Variants in EHMT1 observed in about 807,000 individuals in gnomAD.
The protein encoded by EHMT1 is euchromatic histone lysine methyltransferase 1, also known as histone-lysine N-methyltransferase EHMT1.
EHMT1 carries 15 observed loss-of-function variants against 147.2 expected under a neutral mutation model. The observed-to-expected ratio is 0.10, with a 90% CI of 0.07 to 0.16. The LOEUF is 0.16. Among genes scored for constraint, EHMT1 ranks in the 10% least tolerant of loss-of-function variants. EHMT1 has a pLI of 1.00. For synonymous variants in EHMT1, 795 were observed against 709.6 expected, an observed-to-expected ratio of 1.12 and a Z score of -1.91; for missense variants, 1,587 against 1,772.4, an observed-to-expected ratio of 0.90 and a Z score of 1.88.
chr9:137,730,390 G>A (rs1180514551), intron 4 of EHMT1, among the ~76,000 whole-genome samples: 1 of 151,948 alleles, frequency 6.6e-6, no homozygotes, highest in Non-Finnish European at 1.5e-5. Context: ...AGTTTCTGCT[G>A]TAAGGAGGTG....
At chr9:137,798,713 C>T in intron 16 of EHMT1, 100 bp from the exon 17 acceptor site, 1 of 965,648 alleles carries the variant, frequency 1.0e-6, no homozygotes, top group Admixed American at 1.7e-5. Context: ...AGTACCCCAC[C>T]CGCATGGTAG....
At chr9:137,702,014 G>T (rs563904119) in intron 1 of EHMT1, among the ~76,000 whole-genome samples, 1 of 151,798 alleles carries the variant, frequency 6.6e-6, no homozygotes, top group East Asian at 1.9e-4. Flanking sequence ...GGCTCGTCTC[G>T]AACTTCTGAC....
chr9:137,779,853 T>G (rs913996651), intron 14 of EHMT1, 136 bp downstream of exon 14: 4 of 931,022 alleles, frequency 4.3e-6, no homozygotes, highest in Non-Finnish European at 6.7e-6. Flanking sequence ...AGTTCTCTGA[T>G]GAGTGAGAAT....
At chr9:137,663,149 C>A (rs1008091106) in intron 1 of EHMT1, among the ~76,000 whole-genome samples, 2 of 152,166 alleles carry the variant, frequency 1.3e-5, no homozygotes, top group Admixed American at 1.3e-4. Context: ...ATTTTATTAT[C>A]TCTTTCCTGT....
chr9:137,716,900 C>T lies in EHMT1; in HGVS notation c.360C>T (p.Ile120=), dbSNP rs747517245. 19 of 1,613,004 alleles carry T rather than the reference C, an allele frequency of 1.2e-5. No homozygotes were observed. The highest frequency in any genetic ancestry group is 3.3e-5 in the South Asian group (3 of 91,090). The part of the protein sequence containing the change: ...TADDFVQTSV[I]GSNGYILNKP... Reference sequence around the variant, plus strand: ...ACGACTTTGTGCAGACTTCTGTCATCGGCAGCAACGGATACATCTTAAATA... The same window carrying T: ...ACGACTTTGTGCAGACTTCTGTCATTGGCAGCAACGGATACATCTTAAATA... The change falls in exon 3 of 27, where the codon ATC becomes ATT. Residue 120 remains isoleucine (I), a synonymous_variant. Coordinates refer to ENST00000460843, the MANE Select transcript of EHMT1 (RefSeq NM_024757.5).
chr9:137,831,514 G>C (rs1956186733), intron 25 of EHMT1, among the ~76,000 whole-genome samples: 1 of 152,260 alleles, frequency 6.6e-6, no homozygotes, highest in East Asian at 1.9e-4. Flanking sequence ...CATCCACCCA[G>C]TGATGGCTTC....
Position 137,832,658 on chromosome 9 carries a change from GT to G in EHMT1, c.3541-1690del, listed in dbSNP as rs575130527. On this transcript the variant is annotated intron_variant, in intron 25 of 26. Transcript: ENST00000460843. ...TCCAGCCGTCCTTCTCTGGACTGTTGTCTTTATCTGGTTCTGGTCGGGCAGA... is the reference window on the plus strand; with the variant it reads ...TCCAGCCGTCCTTCTCTGGACTGTTGCTTTATCTGGTTCTGGTCGGGCAGA... The G allele has an allele frequency of 4.9e-3, 753 of 153,002 alleles. 6 individuals are homozygous for G. Among genetic ancestry groups the G allele is most frequent in the Non-Finnish European group, 8.8e-3 (602 of 68,564 alleles). 9.5% of individuals were successfully genotyped at this position (153,002 alleles called of 1,614,324 possible). A position where few individuals can be genotyped will look rare whatever the true frequency, so the allele number is the denominator to read the frequency against.
chr9:137,796,476 G>A (rs1404059623), intron 16 of EHMT1, among the ~76,000 whole-genome samples: 3 of 151,942 alleles, frequency 2.0e-5, no homozygotes, highest in Admixed American at 6.6e-5. Flanking sequence ...AGGCTGAGGC[G>A]GGTGGATCAT....
Position 137,834,402 on chromosome 9 carries a change from C to T in EHMT1, c.3594C>T (p.Phe1198=), listed in dbSNP as rs1956453320. 6.2e-7 allele frequency: 1 copy of T among 1,613,322 alleles called. No individual in the cohort carries two copies. The highest frequency in any genetic ancestry group is 1.3e-5 in the African/African-American group (1 of 75,048). Residue 1198 remains phenylalanine, a synonymous_variant, in exon 26 of 27, where the codon TTC becomes TTT. Transcript: ENST00000460843. The part of the protein sequence containing the change: ...DARFYGNVSR[F]INHHCEPNLV... ...GGTTCTACGGGAACGTCAGCCGGTT[C>T]ATCAACCACCACTGCGAGCCCAACC...
intron 6 of EHMT1, chr9:137,747,557 AGATT>A (rs1564683342): frequency 6.6e-6 from 1 of 152,262 alleles, no homozygotes; most frequent in African/African-American, 2.4e-5. Context: ...TACTAGAAAT[AGATT>A]ATTTAAAGAC....
chr9:137,799,058 C>G, intron 17 of EHMT1, 144 bp downstream of exon 17: 1 of 566,816 alleles, frequency 1.8e-6, no homozygotes, highest in Non-Finnish European at 3.1e-6. Context: ...GCGTCCTCTT[C>G]CACACTTAGG....
At position 137,787,543 on chromosome 9, in the gene EHMT1, C is replaced by A. The variant is rs984201644; in HGVS notation, c.2383-3305C>A. ...GGTAGTTAGTAAACACCATGGACTC[C>A]CAGCAAGGCTGCTGCCTGGTGTTTC... On this transcript the variant is annotated intron_variant, in intron 15 of 26. Coordinates refer to ENST00000460843, the MANE Select transcript of EHMT1 (RefSeq NM_024757.5). This position sits in a 1 kb window ranked among gnomAD's most constrained non-coding sequence, Gnocchi z 4.2. 21 of 413,100 alleles carry A rather than the reference C, an allele frequency of 5.1e-5. No homozygotes were observed. The highest frequency in any genetic ancestry group is 7.1e-4 in the Middle Eastern group (1 of 1,414). The allele number at this position is 413,100 out of a possible 1,614,324, so 25.6% of individuals were successfully genotyped here. A position where few individuals can be genotyped will look rare whatever the true frequency, so the allele number is the denominator to read the frequency against.
chr9:137,715,815 C>G, intron 2 of EHMT1: 1 of 985,406 alleles, frequency 1.0e-6, no homozygotes, highest in Non-Finnish European at 1.2e-6. Context: ...GAAGCCTCTT[C>G]TGAAGCCTTG....
chr9:137,830,256 G>A (rs1043238189), intron 25 of EHMT1, among the ~76,000 whole-genome samples: 1 of 152,134 alleles, frequency 6.6e-6, no homozygotes, highest in Non-Finnish European at 1.5e-5. Context: ...TGACACCCAG[G>A]CCTCCCTTAT....
Position 137,774,547 on chromosome 9 carries a change from T to A in EHMT1, c.1648-562T>A, listed in dbSNP as rs554699167. On this transcript the variant is annotated intron_variant, in intron 10 of 26. Coordinates refer to ENST00000460843, the MANE Select transcript of EHMT1 (RefSeq NM_024757.5). ...GTGGATGTGGTCGCGTCTGGCCCCC[T>A]GGATCTGGTGGGTGTGGGCACGCCT... 1.0e-3 allele frequency among the ~76,000 whole-genome samples: 114 copies of A among 114,188 alleles called. 3 individuals are homozygous for A. Among genetic ancestry groups the A allele is most frequent in the African/African-American group, 3.4e-3 (95 of 27,888 alleles). 74.9% of individuals were successfully genotyped at this position (114,188 alleles called of 152,430 possible). A position where few individuals can be genotyped will look rare whatever the true frequency, so the allele number is the denominator to read the frequency against.
In EHMT1 at chr9:137,782,144, G is replaced by T; in HGVS notation, c.2276-147G>T. 1.4e-6 allele frequency: 1 copy of T among 707,488 alleles called. No homozygotes were observed. The highest frequency in any genetic ancestry group is 1.5e-5 in the South Asian group (1 of 66,310). 43.8% of individuals were successfully genotyped at this position (707,488 alleles called of 1,614,324 possible). ...ACTCAAGTCTCAAGTCCAGAGGATG[G>T]TGCTGTGGGCGGGTTCCGGCGTGGC... is the stretch of plus-strand genomic sequence containing the variant. On this transcript the variant is annotated intron_variant, in intron 14 of 26. Transcript: ENST00000460843. The surrounding 1 kb of genome is among the most constrained non-coding windows in gnomAD (Gnocchi z 5.7).
chr9:137,799,186 C>T (rs1047488133), intron 17 of EHMT1, among the ~76,000 whole-genome samples: 1 of 151,062 alleles, frequency 6.6e-6, no homozygotes, highest in Non-Finnish European at 1.5e-5. Context: ...CTTCCACACA[C>T]AGGGTTAGCT....
intron 1 of EHMT1, among the ~76,000 whole-genome samples, chr9:137,655,684 G>C (rs534532283): frequency 6.6e-5 from 10 of 152,156 alleles, no homozygotes; most frequent in Non-Finnish European, 1.5e-4. Context: ...CCTGAGTTCT[G>C]CCTCTGCCAG....
chr9:137,663,634 G>A (rs1939319700), intron 1 of EHMT1, among the ~76,000 whole-genome samples: 1 of 152,200 alleles, frequency 6.6e-6, no homozygotes, highest in African/African-American at 2.4e-5. Context: ...AGATGTTTGT[G>A]CACATACCAG....
Sources: gnomAD v4.1 joint callset for allele counts (sites outside exome capture counted in the v4.1 genomes callset) on GRCh38, gnomAD v4.1.1 for gene constraint, Gnocchi (gnomAD v3.1) non-coding constraint, MANE v1.5 for transcripts, NCBI Gene and HGNC (gene_info 2026-07-23, HGNC 2026-07-21) for gene names.